Variants in TSPAN15 observed in about 807,000 individuals in gnomAD.
TSPAN15 encodes the protein tetraspanin-15.
In TSPAN15, 20 loss-of-function variants were observed where a neutral mutation model predicts 34.5. The observed-to-expected ratio is 0.58, with a 90% CI of 0.41 to 0.84. TSPAN15 has a LOEUF of 0.84. Among genes scored for constraint, TSPAN15 ranks in the 40% least tolerant of loss-of-function variants. The pLI is 0.00. For missense variants in TSPAN15, 313 were observed against 386.1 expected (o/e 0.81, Z 1.59); for synonymous variants, 155 against 153.9 (o/e 1.01, Z -0.05).
chr10:69,462,102 TC>T (rs1841275819), intron 1 of TSPAN15, among the ~76,000 whole-genome samples: 1 of 150,128 alleles, frequency 6.7e-6, no homozygotes, highest in Admixed American at 6.6e-5. Context: ...CACCTCAGCC[TC>T]CTGAGTAGCT....
At chr10:69,523,577 A>C in the TSPAN15 span, 1 of 305,482 alleles carries the variant, frequency 3.3e-6, no homozygotes, top group Non-Finnish European at 6.2e-6. Flanking sequence ...TGTACCCGAT[A>C]GGAAGCCAAG....
At chr10:69,523,433 A>G in the TSPAN15 span, 1 of 566,160 alleles carries the variant, frequency 1.8e-6, no homozygotes, top group Admixed American at 2.8e-5. Flanking sequence ...GTCATTCCAG[A>G]GGCTAGCAGT....
intron 5 of TSPAN15, among the ~76,000 whole-genome samples, chr10:69,503,594 C>T (rs1490350128): frequency 6.6e-6 from 1 of 152,172 alleles, no homozygotes; most frequent in African/African-American, 2.4e-5. Flanking sequence ...GGAAATGTGA[C>T]ACCAGAGGGC....
chr10:69,451,698 A>AC lies in TSPAN15; in HGVS notation c.96+12dup, dbSNP rs748728024. On this transcript the variant is annotated intron_variant, in intron 1 of 7. Coordinates refer to ENST00000373290, the MANE Select transcript of TSPAN15 (RefSeq NM_012339.5). ...TATTCCACCGTGTTCTGGGTGAGTG[A>AC]CCCCAGTAGGGCCCGGGGATGGGGG... 5.4e-6 allele frequency: 8 copies of AC among 1,477,556 alleles called. No homozygotes were observed. The highest frequency in any genetic ancestry group is 7.2e-6 in the Non-Finnish European group (8 of 1,108,958). The allele number at this position is 1,477,556 out of a possible 1,614,324, so 91.5% of individuals were successfully genotyped here. A position where few individuals can be genotyped will look rare whatever the true frequency, so the allele number is the denominator to read the frequency against.
chr10:69,477,051 G>A (rs2133099201), intron 1 of TSPAN15, among the ~76,000 whole-genome samples: 1 of 152,262 alleles, frequency 6.6e-6, no homozygotes, highest in Non-Finnish European at 1.5e-5. Context: ...CTGGGGATGT[G>A]GGAGAGAAGA....
chr10:69,465,375 T>C (rs1841362134), intron 1 of TSPAN15, among the ~76,000 whole-genome samples: 1 of 152,208 alleles, frequency 6.6e-6, no homozygotes, highest in African/African-American at 2.4e-5. Context: ...TACAGTATTT[T>C]CCTTCTCCAC....
intron 1 of TSPAN15, among the ~76,000 whole-genome samples, chr10:69,455,530 T>TTCTTCTC (rs1841069675): frequency 7.2e-6 from 1 of 139,378 alleles, no homozygotes; most frequent in African/African-American, 2.8e-5. Flanking sequence ...CTCTCTTTCT[T>TTCTTCTC]TCTCTTTCTT....
chr10:69,533,244 GCAAAATCA>G, the TSPAN15 span, among the ~76,000 whole-genome samples: 1 of 152,090 alleles, frequency 6.6e-6, no homozygotes, highest in Non-Finnish European at 1.5e-5. Flanking sequence ...ATTTGCAATT[GCAAAATCA>G]TGGAACCAAC....
intron 3 of TSPAN15, chr10:69,494,475 C>T (rs1842035001): frequency 5.4e-6 from 1 of 183,932 alleles, no homozygotes; most frequent in Admixed American, 6.5e-5. Flanking sequence ...CAAACAGAGG[C>T]TCAGAAGTTA....
chr10:69,543,240 C>G, the TSPAN15 span, among the ~76,000 whole-genome samples: 1 of 152,138 alleles, frequency 6.6e-6, no homozygotes, highest in Non-Finnish European at 1.5e-5. Flanking sequence ...CCACCACATA[C>G]AGTGATTCCA....
At chr10:69,517,080 G>A in the TSPAN15 span, among the ~76,000 whole-genome samples, 3 of 152,180 alleles carry the variant, frequency 2.0e-5, no homozygotes, top group South Asian at 2.1e-4. Context: ...TCCAGAAGGG[G>A]CATCTAAGGC....
chr10:69,498,968 C>T (rs1842146561), intron 5 of TSPAN15, among the ~76,000 whole-genome samples: 1 of 152,134 alleles, frequency 6.6e-6, no homozygotes, highest in Admixed American at 6.5e-5. Flanking sequence ...TGGTCTTTGG[C>T]CTTGAGGTCC....
intron 1 of TSPAN15, among the ~76,000 whole-genome samples, chr10:69,461,853 G>A (rs985432883): frequency 1.5e-4 from 23 of 152,050 alleles, no homozygotes; most frequent in African/African-American, 5.6e-4. Flanking sequence ...AGTGGACCTT[G>A]ACTTCATGGC....
At chr10:69,474,085 G>A (rs1006972913) in intron 1 of TSPAN15, among the ~76,000 whole-genome samples, 1 of 152,134 alleles carries the variant, frequency 6.6e-6, no homozygotes, top group Non-Finnish European at 1.5e-5. Flanking sequence ...TGTCCCCTGG[G>A]AGCCGGCAGT....
chr10:69,530,783 T>A, the TSPAN15 span, among the ~76,000 whole-genome samples: 2 of 41,624 alleles, frequency 4.8e-5, no homozygotes, highest in Admixed American at 3.5e-4. Context: ...AGTGAGACTC[T>A]CTCTCTCTCT....
At chr10:69,496,084 C>T (rs1842074253) in intron 4 of TSPAN15, among the ~76,000 whole-genome samples, 1 of 152,048 alleles carries the variant, frequency 6.6e-6, no homozygotes, top group Non-Finnish European at 1.5e-5. Context: ...AGGGGAGTAA[C>T]CTACCCCAGT....
intron 1 of TSPAN15, among the ~76,000 whole-genome samples, chr10:69,481,130 T>C (rs1284460206): frequency 6.6e-6 from 1 of 152,232 alleles, no homozygotes; most frequent in African/African-American, 2.4e-5. Flanking sequence ...AGTCTCTGGT[T>C]TACCTTTCTC....
intron 4 of TSPAN15, among the ~76,000 whole-genome samples, chr10:69,497,606 ACT>A (rs1191117923): frequency 6.6e-6 from 1 of 151,430 alleles, no homozygotes; most frequent in Non-Finnish European, 1.5e-5. Flanking sequence ...TCCAGTGCTC[ACT>A]CTCTGTCTCT....
intron 1 of TSPAN15, among the ~76,000 whole-genome samples, chr10:69,482,300 G>T (rs1048411490): frequency 6.6e-6 from 1 of 152,204 alleles, no homozygotes; most frequent in Non-Finnish European, 1.5e-5. Context: ...CAGGCAGTTG[G>T]AACTGCCTGT....
Sources: allele counts gnomAD v4.1 joint callset (sites outside exome capture counted in the v4.1 genomes callset), GRCh38; gene constraint gnomAD v4.1.1; transcripts MANE v1.5; gene names NCBI Gene and HGNC (gene_info 2026-07-23, HGNC 2026-07-21).